WDR70: variants seen among roughly 807,000 people sequenced by gnomAD.
The protein encoded by WDR70 is WD repeat-containing protein 70.
WDR70 carries 53 observed loss-of-function variants against 88.6 expected under a neutral mutation model. The ratio of observed to expected loss-of-function variants is 0.60; its 90% CI spans 0.48 to 0.75. The LOEUF (loss-of-function observed/expected upper bound fraction) is 0.75, where lower values mean the gene tolerates loss of function less well. WDR70 is among the 30% of genes least tolerant of loss of function. The probability of loss-of-function intolerance (pLI) is 0.00; values close to 1 mark genes in which losing one functional copy is unlikely to be tolerated. For synonymous variants in WDR70, 280 were observed against 270.0 expected (o/e 1.04, Z -0.36); for missense variants, 610 against 823.2 (o/e 0.74, Z 3.17).
rs2112038954 is a variant in WDR70, at chr5:37,437,945, C to T, written c.516C>T (p.Asp172=). 1 of 1,609,706 alleles carries T rather than the reference C, an allele frequency of 6.2e-7. No homozygotes were observed. Among genetic ancestry groups the T allele is most frequent in the Non-Finnish European group, 8.5e-7 (1 of 1,177,842 alleles). ...EEENPVHKIP[D]SHEITLKHGT... is the part of the protein sequence containing the mutation. ...AGAATCCTGTTCACAAGATTCCTGA[C>T]TCGCATGAGATAACGCTGAAGCATG... Residue 172 remains aspartate (D), a synonymous_variant, in exon 6 of 18, where the codon GAC becomes GAT. Transcript: ENST00000265107.
chr5:37,552,230 T>C (rs1742168803), intron 9 of WDR70, among the ~76,000 whole-genome samples: 1 of 152,206 alleles, frequency 6.6e-6, no homozygotes, highest in South Asian at 2.1e-4. Context: ...TTCTGTTTTT[T>C]GTTTCCTTCA....
chr5:37,541,862 C>T (rs1581379990), intron 9 of WDR70, among the ~76,000 whole-genome samples: 1 of 152,186 alleles, frequency 6.6e-6, no homozygotes, highest in South Asian at 2.1e-4. Context: ...ATAACTTTTA[C>T]TCCAGGATGC....
intron 5 of WDR70, among the ~76,000 whole-genome samples, chr5:37,403,213 G>T (rs575585164): frequency 3.3e-5 from 5 of 152,156 alleles, no homozygotes; most frequent in Middle Eastern, 6.8e-3. Flanking sequence ...CTCCCAAAGT[G>T]CTGGGATTAC....
At chr5:37,490,461 A>G (rs1166989991) in intron 8 of WDR70, among the ~76,000 whole-genome samples, 2 of 152,138 alleles carry the variant, frequency 1.3e-5, no homozygotes, top group African/African-American at 2.4e-5. Context: ...TGGAGAGCAC[A>G]TGCTTTGTCT....
intron 2 of WDR70, among the ~76,000 whole-genome samples, chr5:37,379,756 GGAGA>G (rs990713582): frequency 6.7e-6 from 1 of 148,300 alleles, no homozygotes; most frequent in African/African-American, 2.5e-5. Flanking sequence ...ATGAGAGTCT[GGAGA>G]GAGAGGAAGA....
chr5:37,700,252 T>C (rs975596831), intron 11 of WDR70: 1 of 152,180 alleles, frequency 6.6e-6, no homozygotes, highest in Non-Finnish European at 1.5e-5. Flanking sequence ...AAACATTATG[T>C]ATATAAGTTT....
intron 5 of WDR70, among the ~76,000 whole-genome samples, chr5:37,415,474 T>C (rs1581260612): frequency 1.7e-5 from 1 of 58,688 alleles, no homozygotes; most frequent in Admixed American, 1.8e-4. Flanking sequence ...TCCCCCCACC[T>C]CCCTCCCGGA....
At chr5:37,630,238 G>T (rs1282515079) in intron 10 of WDR70, among the ~76,000 whole-genome samples, 2 of 152,194 alleles carry the variant, frequency 1.3e-5, no homozygotes, top group Non-Finnish European at 2.9e-5. Context: ...CAGGAGCACA[G>T]GCATGCTTGT....
chr5:37,746,135 C>T (rs1038048950), intron 17 of WDR70, among the ~76,000 whole-genome samples: 2 of 152,162 alleles, frequency 1.3e-5, no homozygotes, highest in Non-Finnish European at 2.9e-5. Context: ...TCAAAAACCA[C>T]ACAATTTCAT....
At chr5:37,601,845 A>T (rs1743892553) in intron 9 of WDR70, among the ~76,000 whole-genome samples, 1 of 152,220 alleles carries the variant, frequency 6.6e-6, no homozygotes, top group Non-Finnish European at 1.5e-5. Flanking sequence ...AATAGACTGG[A>T]TAAAGAAAAT....
chr5:37,607,179 G>A (rs1429729774), intron 10 of WDR70, among the ~76,000 whole-genome samples: 1 of 151,340 alleles, frequency 6.6e-6, no homozygotes, highest in African/African-American at 2.4e-5. Context: ...CTGGCCTCAG[G>A]GATCCACCCA....
At chr5:37,550,551 A>G in intron 9 of WDR70, among the ~76,000 whole-genome samples, 1 of 152,194 alleles carries the variant, frequency 6.6e-6, no homozygotes, top group East Asian at 1.9e-4. Flanking sequence ...AACAAAGTAT[A>G]GCTACTCCTG....
intron 3 of WDR70, among the ~76,000 whole-genome samples, chr5:37,390,718 T>G (rs1280824622): frequency 7.7e-5 from 6 of 77,622 alleles, no homozygotes; most frequent in African/African-American, 1.1e-4. Context: ...AAAAGTGCTG[T>G]TTTTTTTTTT....
chr5:37,603,184 A>G (rs1743937438), intron 9 of WDR70, among the ~76,000 whole-genome samples: 1 of 152,092 alleles, frequency 6.6e-6, no homozygotes, highest in South Asian at 2.1e-4. Context: ...AAGATCCCAA[A>G]TCACCAAGGC....
At chr5:37,513,534 G>T (rs1268390287) in intron 8 of WDR70, among the ~76,000 whole-genome samples, 1 of 152,176 alleles carries the variant, frequency 6.6e-6, no homozygotes, top group East Asian at 1.9e-4. Context: ...GTATATTAGG[G>T]TTCCCTAGAG....
chr5:37,397,290 TG>T (rs1749046735), intron 5 of WDR70, among the ~76,000 whole-genome samples: 2 of 151,930 alleles, frequency 1.3e-5, no homozygotes, highest in Non-Finnish European at 2.9e-5. Flanking sequence ...AAGAAATCAA[TG>T]GATAAAACAT....
intron 10 of WDR70, among the ~76,000 whole-genome samples, chr5:37,611,531 CA>C (rs1290021004): frequency 6.6e-6 from 1 of 151,674 alleles, no homozygotes; most frequent in Non-Finnish European, 1.5e-5. Context: ...TGTTGGTATT[CA>C]AGATTTTGGA....
At chr5:37,626,997 G>T (rs1411078968) in intron 10 of WDR70, among the ~76,000 whole-genome samples, 1 of 151,916 alleles carries the variant, frequency 6.6e-6, no homozygotes. Flanking sequence ...TTTCAAATTT[G>T]AGTCTCTTTT....
rs139879788 is a variant in WDR70, at chr5:37,404,983, A to C, written c.492+8413A>C. ...GGTATGGTGAGATGGGGTCCCTCCT[A>C]TCAGTTTTTGGCCAGGTCAGCTCTG... On this transcript the variant is annotated intron_variant, in intron 5 of 17. Coordinates refer to ENST00000265107, the MANE Select transcript of WDR70 (RefSeq NM_018034.4). Among the ~76,000 whole-genome samples the C allele has an allele frequency of 3.3e-3, 498 of 152,232 alleles. 2 individuals are homozygous for C. The highest frequency in any genetic ancestry group is 0.011 in the African/African-American group (477 of 41,542).
Sources: gnomAD v4.1 joint callset for allele counts (sites outside exome capture counted in the v4.1 genomes callset) on GRCh38, gnomAD v4.1.1 for gene constraint, MANE v1.5 for transcripts, NCBI Gene and HGNC (gene_info 2026-07-23, HGNC 2026-07-21) for gene names.